SHTN1: variants seen among roughly 807,000 people sequenced by gnomAD.
SHTN1 encodes the protein shootin-1.
SHTN1 carries 42 observed loss-of-function variants against 83.1 expected under a neutral mutation model. The ratio of observed to expected loss-of-function variants is 0.51; its 90% CI spans 0.39 to 0.65. The LOEUF (loss-of-function observed/expected upper bound fraction) is 0.65, where lower values mean the gene tolerates loss of function less well. Among genes scored for constraint, SHTN1 ranks in the 30% least tolerant of loss-of-function variants. SHTN1 has a pLI of 0.00. For missense variants in SHTN1, 622 were observed against 737.8 expected, an observed-to-expected ratio of 0.84 and a Z score of 1.82; for synonymous variants, 224 against 247.7, an observed-to-expected ratio of 0.90 and a Z score of 0.90.
At chr10:117,101,851 A>G (rs1469630317) in intron 1 of SHTN1, among the ~76,000 whole-genome samples, 1 of 152,204 alleles carries the variant, frequency 6.6e-6, no homozygotes, top group Non-Finnish European at 1.5e-5. Flanking sequence ...TTAGGTGACT[A>G]TAAGGTTCCT....
intron 5 of SHTN1, among the ~76,000 whole-genome samples, chr10:116,952,594 A>G (rs1277772388): frequency 6.6e-6 from 1 of 152,168 alleles, no homozygotes; most frequent in African/African-American, 2.4e-5. Context: ...TAGTTTTATT[A>G]TTAGGATTCA....
chr10:116,968,847 A>AATGGTCAT (rs137930494), intron 2 of SHTN1, 135 bp from the exon 3 acceptor site: 39,107 of 670,946 alleles, frequency 0.058, 1,496 homozygotes, highest in South Asian at 0.11. Flanking sequence ...GAAAAGCATC[A>AATGGTCAT]ATGGTCATAT....
intron 12 of SHTN1, among the ~76,000 whole-genome samples, chr10:116,917,288 T>G (rs1446382299): frequency 2.0e-5 from 3 of 152,176 alleles, no homozygotes; most frequent in Non-Finnish European, 4.4e-5. Flanking sequence ...GGTATGGGAT[T>G]TATTCCTGAG....
At position 116,886,056 on chromosome 10, in the gene SHTN1, C is replaced by A; in HGVS notation, c.*288G>T. 1 of 394,898 alleles carries A rather than the reference C, an allele frequency of 2.5e-6. No homozygotes were observed. The highest frequency in any genetic ancestry group is 4.5e-5 in the East Asian group (1 of 22,214). 24.5% of individuals were successfully genotyped at this position (394,898 alleles called of 1,614,324 possible). On this transcript the variant is annotated 3_prime_UTR_variant, in exon 17 of 17. Coordinates refer to ENST00000355371, the MANE Select transcript of SHTN1 (RefSeq NM_001127211.3). ...ACATTTCCTAAAAAGGTATCAACAT[C>A]TGAATTTTTTTGTAACCTTCTAAAA...
intron 1 of SHTN1, among the ~76,000 whole-genome samples, chr10:117,106,011 T>A (rs939261482): frequency 6.7e-6 from 1 of 150,158 alleles, no homozygotes; most frequent in African/African-American, 2.5e-5. Context: ...AGACCTGGCC[T>A]CAGAAACAAA....
intron 15 of SHTN1, 110 bp from the exon 16 acceptor site, chr10:116,902,067 T>C (rs1235720338): frequency 1.1e-6 from 1 of 948,206 alleles, no homozygotes; most frequent in Non-Finnish European, 1.5e-6. Context: ...AAGGCCAAGT[T>C]TGTTAAAATT....
chr10:116,968,516 T>C (rs1850482082), intron 3 of SHTN1, 136 bp downstream of exon 3: 3 of 596,672 alleles, frequency 5.0e-6, no homozygotes, highest in South Asian at 2.7e-5. Context: ...CTGGGCATGT[T>C]TGGACAAATA....
intron 16 of SHTN1, among the ~76,000 whole-genome samples, chr10:116,895,717 G>A (rs755402801): frequency 1.3e-5 from 2 of 152,064 alleles, no homozygotes; most frequent in African/African-American, 2.4e-5. Context: ...GACACTAAAC[G>A]CAGTACACCA....
intron 2 of SHTN1, among the ~76,000 whole-genome samples, chr10:117,013,687 C>T (rs1212033145): frequency 1.3e-5 from 2 of 152,188 alleles, no homozygotes; most frequent in African/African-American, 4.8e-5. Context: ...GGTACAGCCG[C>T]TTTGAAAGAC....
At chr10:117,121,315 C>T (rs559502404) in intron 1 of SHTN1, among the ~76,000 whole-genome samples, 66 of 152,274 alleles carry the variant, frequency 4.3e-4, no homozygotes, top group African/African-American at 1.5e-3. Context: ...TGGTGGCTTA[C>T]GCCTGTAATC....
chr10:117,060,461 C>T (rs911395845), intron 1 of SHTN1, among the ~76,000 whole-genome samples: 1 of 152,172 alleles, frequency 6.6e-6, no homozygotes, highest in African/African-American at 2.4e-5. Context: ...AACCGCTTCT[C>T]TCCCTTAAGG....
At chr10:117,085,747 C>A (rs768889494) in intron 1 of SHTN1, among the ~76,000 whole-genome samples, 4 of 152,260 alleles carry the variant, frequency 2.6e-5, no homozygotes, top group African/African-American at 4.8e-5. Context: ...CTGGATTTGT[C>A]TATTTCTCTT....
At position 117,071,480 on chromosome 10, in the gene SHTN1, TG is replaced by T. The variant is rs575242189; in HGVS notation, c.-188-22971del. ...ATTCTCATCACATAAATGAGGAAACTGGGGCAAAGTGAAATTAAGAAATTAG... is the reference window on the plus strand; with the variant it reads ...ATTCTCATCACATAAATGAGGAAACTGGGCAAAGTGAAATTAAGAAATTAG... On this transcript the variant is annotated intron_variant, in intron 1 of 17. Coordinates refer to the SHTN1 transcript ENST00000392901. Among the ~76,000 whole-genome samples the T allele has an allele frequency of 1.3e-4, 20 of 152,314 alleles. No homozygotes were observed. In the East Asian group the frequency reaches 3.5e-3, roughly 26 times the overall value.
chr10:117,110,760 T>G (rs188200630), intron 1 of SHTN1, among the ~76,000 whole-genome samples: 1 of 152,142 alleles, frequency 6.6e-6, no homozygotes, highest in Non-Finnish European at 1.5e-5. Flanking sequence ...CTACCATACA[T>G]TCACAGGCAT....
chr10:116,892,896 A>G (rs1359809417), intron 16 of SHTN1, among the ~76,000 whole-genome samples: 1 of 152,210 alleles, frequency 6.6e-6, no homozygotes, highest in Non-Finnish European at 1.5e-5. Context: ...AATGGCTAAG[A>G]AAACTACAAT....
intron 16 of SHTN1, among the ~76,000 whole-genome samples, chr10:116,888,971 G>A (rs891358725): frequency 1.4e-4 from 21 of 152,232 alleles, no homozygotes; most frequent in African/African-American, 4.8e-4. Context: ...TCACCAGTAC[G>A]AAGGTTTCAC....
chr10:117,088,659 G>A (rs189541645), intron 1 of SHTN1, among the ~76,000 whole-genome samples: 13 of 152,212 alleles, frequency 8.5e-5, no homozygotes, highest in South Asian at 4.1e-4. Flanking sequence ...GTCTGTACTC[G>A]GCAAATCCTC....
intron 2 of SHTN1, chr10:116,974,216 T>A (rs1850713770): frequency 1.2e-6 from 1 of 809,534 alleles, no homozygotes; most frequent in African/African-American, 1.8e-5. Context: ...GCTCTTTGTT[T>A]CTAGATAGAT....
chr10:117,086,968 G>A (rs1213536291), intron 1 of SHTN1, among the ~76,000 whole-genome samples: 2 of 152,064 alleles, frequency 1.3e-5, no homozygotes, highest in Non-Finnish European at 2.9e-5. Context: ...AATGAGCCCT[G>A]GAACATTATA....
Sources: gnomAD v4.1 joint callset for allele counts (sites outside exome capture counted in the v4.1 genomes callset) on GRCh38, gnomAD v4.1.1 for gene constraint, MANE v1.5 for transcripts, NCBI Gene and HGNC (gene_info 2026-07-23, HGNC 2026-07-21) for gene names.